Variants in ERBB4 observed in about 807,000 individuals in gnomAD.
The protein encoded by ERBB4 is erb-b2 receptor tyrosine kinase 4.
Under a neutral mutation model 158.0 loss-of-function variants are expected in ERBB4, and 42 were observed. The ratio of observed to expected loss-of-function variants is 0.27; its 90% CI spans 0.21 to 0.34. The LOEUF (loss-of-function observed/expected upper bound fraction) is 0.34, where lower values mean the gene tolerates loss of function less well. ERBB4 is among the 10% of genes least tolerant of loss of function. The pLI, the probability that ERBB4 is intolerant of heterozygous loss-of-function variation, is 1.00. For synonymous variants in ERBB4, 583 were observed against 558.7 expected, an observed-to-expected ratio of 1.04 and a Z score of -0.61; for missense variants, 1,333 against 1,624.1, an observed-to-expected ratio of 0.82 and a Z score of 3.08.
intron 5 of ERBB4, among the ~76,000 whole-genome samples, chr2:211,749,818 C>A (rs2075075777): frequency 6.6e-6 from 1 of 152,036 alleles, no homozygotes; most frequent in Non-Finnish European, 1.5e-5. Context: ...TCTATGATAA[C>A]AAAGAAATAT....
chr2:211,966,820 C>G (rs1054418975), intron 2 of ERBB4, among the ~76,000 whole-genome samples: 2 of 152,040 alleles, frequency 1.3e-5, no homozygotes, highest in African/African-American at 4.8e-5. Flanking sequence ...ATAGAAAAGA[C>G]AGATCAAATG....
At chr2:212,035,574 A>C (rs779727266) in intron 2 of ERBB4, among the ~76,000 whole-genome samples, 82 of 151,884 alleles carry the variant, frequency 5.4e-4, no homozygotes, top group Non-Finnish European at 9.4e-4. Context: ...TTCACTCTTC[A>C]CCCATGTCAC....
At chr2:211,386,228 T>G (rs1245852370) in intron 27 of ERBB4, among the ~76,000 whole-genome samples, 1 of 152,220 alleles carries the variant, frequency 6.6e-6, no homozygotes, top group Non-Finnish European at 1.5e-5. Context: ...ACATTTCTAC[T>G]ACTAACTTTA....
At chr2:211,461,085 GAAA>G (rs34730738) in intron 20 of ERBB4, among the ~76,000 whole-genome samples, 4 of 147,044 alleles carry the variant, frequency 2.7e-5, no homozygotes, top group African/African-American at 7.5e-5. Context: ...GAGATTGGGG[GAAA>G]AAAAAAAAAT....
intron 19 of ERBB4, among the ~76,000 whole-genome samples, chr2:211,609,835 A>C (rs2125829702): frequency 6.6e-6 from 1 of 152,312 alleles, no homozygotes; most frequent in East Asian, 1.9e-4. Flanking sequence ...TGACTTAAGG[A>C]CATAACCAGG....
chr2:211,709,165 T>C (rs1455964266), intron 9 of ERBB4, among the ~76,000 whole-genome samples: 4 of 151,248 alleles, frequency 2.6e-5, no homozygotes, highest in Non-Finnish European at 5.9e-5. Context: ...TGTTTCCATT[T>C]TTTATTGCAT....
intron 20 of ERBB4, among the ~76,000 whole-genome samples, chr2:211,522,833 A>G (rs1391509197): frequency 1.3e-5 from 2 of 152,110 alleles, no homozygotes; most frequent in African/African-American, 4.8e-5. Context: ...CAAATTTATT[A>G]GACTACAGTG....
At chr2:212,502,261 T>C (rs1248129602) in intron 1 of ERBB4, among the ~76,000 whole-genome samples, 1 of 152,182 alleles carries the variant, frequency 6.6e-6, no homozygotes, top group Non-Finnish European at 1.5e-5. Flanking sequence ...AATTAAATTA[T>C]ATTTATTAAG....
intron 20 of ERBB4, among the ~76,000 whole-genome samples, chr2:211,553,120 C>T (rs907016486): frequency 1.3e-5 from 2 of 152,024 alleles, no homozygotes; most frequent in Non-Finnish European, 2.9e-5. Context: ...AGGCACCCAC[C>T]ACCACGCCCG....
chr2:211,440,267 T>G (rs1451866063), intron 20 of ERBB4, among the ~76,000 whole-genome samples: 2 of 152,144 alleles, frequency 1.3e-5, no homozygotes, highest in African/African-American at 4.8e-5. Flanking sequence ...GTACTTAAAG[T>G]GCATTACTTC....
At chr2:212,063,330 A>G (rs1351714074) in intron 2 of ERBB4, among the ~76,000 whole-genome samples, 10 of 152,272 alleles carry the variant, frequency 6.6e-5, no homozygotes, top group East Asian at 3.9e-4. Context: ...AAAAATGTGT[A>G]TATCATATAA....
chr2:211,970,825 T>C (rs187507666), intron 2 of ERBB4, among the ~76,000 whole-genome samples: 1 of 152,308 alleles, frequency 6.6e-6, no homozygotes, highest in Non-Finnish European at 1.5e-5. Flanking sequence ...CTTGGTTCCT[T>C]ATCCAGATTG....
chr2:211,809,488 T>C (rs1190068089), intron 3 of ERBB4, among the ~76,000 whole-genome samples: 6 of 152,224 alleles, frequency 3.9e-5, no homozygotes, highest in Non-Finnish European at 5.9e-5. Flanking sequence ...GAGGTGTTTA[T>C]AGTATTCTCT....
chr2:211,890,305 A>AAGCTTC (rs1464085730), intron 3 of ERBB4, among the ~76,000 whole-genome samples: 1 of 126,660 alleles, frequency 7.9e-6, no homozygotes, highest in Non-Finnish European at 1.6e-5. Flanking sequence ...CAGCCAAACT[A>AAGCTTC]AGCTTCATAA....
rs561057865 is a variant in ERBB4 at position 212,324,772 on chromosome 2, T to C, written c.83-199869A>G. ...GTTTTCTAAAGTGATATCAGTTACT[T>C]GCATGGGAAGAGGGGGAAATACTAC... is the stretch of plus-strand genomic sequence containing the variant. On this transcript the variant is annotated intron_variant, in intron 1 of 27. Transcript: ENST00000342788. Among the ~76,000 whole-genome samples, 18 of 150,700 alleles carry C rather than the reference T, an allele frequency of 1.2e-4. No individual in the cohort carries two copies. In the East Asian group the frequency reaches 3.5e-3, roughly 29 times the overall value.
At chr2:212,504,692 G>A (rs1691088788) in intron 1 of ERBB4, among the ~76,000 whole-genome samples, 1 of 152,098 alleles carries the variant, frequency 6.6e-6, no homozygotes, top group African/African-American at 2.4e-5. Context: ...TTCTGCAGCT[G>A]AGCCCAGCGA....
rs2079359146 is a variant in ERBB4, at chr2:211,905,642, A to C, written c.421+41788T>G. 7.6e-5 allele frequency among the ~76,000 whole-genome samples: 8 copies of C among 105,496 alleles called. No individual in the cohort carries two copies. In the South Asian group the frequency reaches 3.1e-3, roughly 41 times the overall value. 69.2% of individuals were successfully genotyped at this position (105,496 alleles called of 152,430 possible). On this transcript the variant is annotated intron_variant, in intron 3 of 27. Transcript: ENST00000342788. ...TGACATGAAGAGCAGTAAAGTAGGA[A>C]GGATCATATATATATATATATATAT... is the stretch of plus-strand genomic sequence containing the variant.
chr2:212,277,610 C>T (rs951027352), intron 1 of ERBB4, among the ~76,000 whole-genome samples: 9 of 151,798 alleles, frequency 5.9e-5, no homozygotes, highest in Admixed American at 5.3e-4. Context: ...AGTCTCCTAG[C>T]CACAGAGGAA....
At chr2:211,415,695 ATAAAG>A (rs1461176440) in intron 25 of ERBB4, among the ~76,000 whole-genome samples, 10 of 152,330 alleles carry the variant, frequency 6.6e-5, no homozygotes, top group South Asian at 6.2e-4. Context: ...ATGGTGTAAA[ATAAAG>A]TAGAGAGAAT....
Sources: allele counts gnomAD v4.1 joint callset (sites outside exome capture counted in the v4.1 genomes callset), GRCh38; gene constraint gnomAD v4.1.1; transcripts MANE v1.5; gene names NCBI Gene and HGNC (gene_info 2026-07-23, HGNC 2026-07-21).